PCDHA5: variants seen among roughly 807,000 people sequenced by gnomAD.
PCDHA5 encodes protocadherin alpha 5.
Under a neutral mutation model 61.6 loss-of-function variants are expected in PCDHA5, and 43 were observed. The ratio of observed to expected loss-of-function variants is 0.70; its 90% CI spans 0.55 to 0.90. The LOEUF is 0.90. PCDHA5 is among the 40% of genes least tolerant of loss of function. The probability of loss-of-function intolerance (pLI) is 0.00; values close to 1 mark genes in which losing one functional copy is unlikely to be tolerated. For missense variants in PCDHA5, 1,298 were observed against 1,222.7 expected (o/e 1.06, Z -0.92); for synonymous variants, 627 against 543.9 (o/e 1.15, Z -2.13).
chr5:140,991,003 A>C (rs1228444549), intron 3 of PCDHA5, among the ~76,000 whole-genome samples: 1 of 152,190 alleles, frequency 6.6e-6, no homozygotes, highest in East Asian at 1.9e-4. Flanking sequence ...ATTTATTGAG[A>C]ACTGTGATAA....
At chr5:140,849,612 A>T in intron 1 of PCDHA5, 1 of 1,598,736 alleles carries the variant, frequency 6.3e-7, no homozygotes. Context: ...TGCCCTGATT[A>T]GTGTGATCGA....
intron 1 of PCDHA5, among the ~76,000 whole-genome samples, chr5:140,950,285 C>T (rs1314594266): frequency 1.3e-5 from 2 of 151,926 alleles, no homozygotes; most frequent in African/African-American, 4.8e-5. Context: ...TTTGCTTCAA[C>T]CTGAAAAACT....
intron 1 of PCDHA5, among the ~76,000 whole-genome samples, chr5:140,915,326 T>C (rs2077071352): frequency 6.6e-6 from 1 of 152,196 alleles, no homozygotes; most frequent in Non-Finnish European, 1.5e-5. Flanking sequence ...TACAGTGTTA[T>C]AATATTCTGT....
chr5:140,955,585 T>G (rs1438222402), intron 1 of PCDHA5, among the ~76,000 whole-genome samples: 1 of 152,198 alleles, frequency 6.6e-6, no homozygotes, highest in African/African-American at 2.4e-5. Context: ...CAATTAAACC[T>G]CTTTCTTTTA....
At chr5:140,870,277 G>T (rs367959983) in intron 1 of PCDHA5, 4 of 1,614,168 alleles carry the variant, frequency 2.5e-6, no homozygotes, top group Non-Finnish European at 3.4e-6. Context: ...GACGCCCCAC[G>T]TTCCCTTCAA....
In PCDHA5 at chr5:140,824,010, G is replaced by C. The variant is rs1554129688; in HGVS notation, c.2235G>C (p.Gly745=). The part of the protein sequence containing the change: ...KPTLLCSSAV[G]SWSYSQQRRQ... Reference sequence around the variant, plus strand: ...CTCTGTTGTGCTCCAGCGCGGTGGGGAGCTGGTCGTACTCGCAGCAGAGGA... The same window carrying C: ...CTCTGTTGTGCTCCAGCGCGGTGGGCAGCTGGTCGTACTCGCAGCAGAGGA... Residue 745 remains glycine (G), a synonymous_variant, in exon 1 of 4, where the codon GGG becomes GGC. Transcript: ENST00000529859. 6.2e-7 allele frequency: 1 copy of C among 1,614,148 alleles called. No homozygotes were observed. Among genetic ancestry groups the C allele is most frequent in the South Asian group, 1.1e-5 (1 of 91,076 alleles).
Position 141,006,215 on chromosome 5 carries a change from T to A in PCDHA5, c.2501-3412T>A, listed in dbSNP as rs530559800. Among the ~76,000 whole-genome samples, 194 of 151,754 alleles carry A rather than the reference T, an allele frequency of 1.3e-3. 2 individuals carry two copies. The highest frequency in any genetic ancestry group is 4.2e-3 in the African/African-American group (174 of 41,396). ...ATGTATGTTATGCCTCATTTTTTTT[T>A]AAATTTTTTATTTTTAGATGGAGTC... On this transcript the variant is annotated intron_variant, in intron 3 of 3. Coordinates refer to ENST00000529859, the MANE Select transcript of PCDHA5 (RefSeq NM_018908.3).
At chr5:141,000,385 CTCTCTCTCTCTATA>C (rs1173975015) in intron 3 of PCDHA5, among the ~76,000 whole-genome samples, 30 of 64,968 alleles carry the variant, frequency 4.6e-4, no homozygotes, top group African/African-American at 1.8e-3. Context: ...CTCTCTCTCT[CTCTCTCTCTCTATA>C]TATATATATA....
At chr5:140,862,329 T>C (rs1305735393) in intron 1 of PCDHA5, 1 of 327,554 alleles carries the variant, frequency 3.1e-6, no homozygotes, top group Non-Finnish European at 6.0e-6. Context: ...ATCAGTGTAA[T>C]TGACCCTAAC....
In PCDHA5 at chr5:140,824,289, C is replaced by T. The variant is rs2150133966; in HGVS notation, c.2352+162C>T. On this transcript the variant is annotated intron_variant, in intron 1 of 3. Transcript: ENST00000529859. The stretch of plus-strand genomic sequence containing the variant: ...CATGTATTATATGCTTTTTATGAGG[C>T]TTTTCTGCTGGGGTAATAGATTCAT... 46 of 983,138 alleles carry T rather than the reference C, an allele frequency of 4.7e-5. 1 individual carries two copies. The African/African-American group carries it at 6.0e-4, about 13-fold the overall frequency. 60.9% of individuals were successfully genotyped at this position (983,138 alleles called of 1,614,324 possible).
At chr5:140,835,927 G>T (rs2150248499) in intron 1 of PCDHA5, 3 of 1,612,438 alleles carry the variant, frequency 1.9e-6, no homozygotes, top group African/African-American at 1.3e-5. Context: ...GCGGAGAGCG[G>T]CAAGGTGTAC....
chr5:140,915,209 AG>A lies in PCDHA5; in HGVS notation c.2353-63739del, dbSNP rs2077027084. On this transcript the variant is annotated intron_variant, in intron 1 of 3. Coordinates refer to ENST00000529859, the MANE Select transcript of PCDHA5 (RefSeq NM_018908.3). ...TGATCCGCCCATCTTGGCCTCCCAAAGTGCTGGGATTACAGGCATGAGCCAC... is the reference window on the plus strand; with the variant it reads ...TGATCCGCCCATCTTGGCCTCCCAAATGCTGGGATTACAGGCATGAGCCAC... 2.6e-5 allele frequency among the ~76,000 whole-genome samples: 4 copies of A among 152,034 alleles called. No individual in the cohort carries two copies. The South Asian group carries it at 8.3e-4, about 32-fold the overall frequency.
At position 140,957,153 on chromosome 5, in the gene PCDHA5, A is replaced by G. The variant is rs988889035; in HGVS notation, c.2353-21796A>G. Among the ~76,000 whole-genome samples, 121 of 152,268 alleles carry G rather than the reference A, an allele frequency of 7.9e-4. 1 individual carries two copies. Among genetic ancestry groups the G allele is most frequent in the East Asian group, 3.9e-4 (2 of 5,186 alleles). On this transcript the variant is annotated intron_variant, in intron 1 of 3. Transcript: ENST00000529859. Reference sequence around the variant, plus strand: ...ACACTATGAACTAAAAATTTTGGAGACAAATCTAAGTATATAAATTGGTTT... The same window carrying G: ...ACACTATGAACTAAAAATTTTGGAGGCAAATCTAAGTATATAAATTGGTTT...
intron 1 of PCDHA5, among the ~76,000 whole-genome samples, chr5:140,971,037 TA>T (rs2096453416): frequency 1.3e-5 from 2 of 152,200 alleles, no homozygotes; most frequent in Admixed American, 6.5e-5. Context: ...TGAAAGCACG[TA>T]AAAGGGTTTA....
At chr5:140,975,364 C>G (rs2096664243) in intron 1 of PCDHA5, among the ~76,000 whole-genome samples, 1 of 152,204 alleles carries the variant, frequency 6.6e-6, no homozygotes, top group South Asian at 2.1e-4. Flanking sequence ...TGCTACATAG[C>G]ATAATGTAAT....
At chr5:140,889,054 T>C in intron 1 of PCDHA5, among the ~76,000 whole-genome samples, 1 of 152,100 alleles carries the variant, frequency 6.6e-6, no homozygotes, top group Non-Finnish European at 1.5e-5. Flanking sequence ...TTTATAATCC[T>C]TTTAATATAC....
intron 1 of PCDHA5, chr5:140,848,444 C>A: frequency 6.7e-7 from 1 of 1,498,894 alleles, no homozygotes; most frequent in Non-Finnish European, 9.1e-7. Flanking sequence ...CAGATGATTT[C>A]TTCTAATTTG....
At chr5:140,980,507 G>A (rs1274816745) in intron 2 of PCDHA5, among the ~76,000 whole-genome samples, 1 of 152,136 alleles carries the variant, frequency 6.6e-6, no homozygotes, top group African/African-American at 2.4e-5. Flanking sequence ...GCATGTGCCT[G>A]TAGTTCCAGC....
intron 3 of PCDHA5, among the ~76,000 whole-genome samples, chr5:140,998,062 C>A (rs2097795439): frequency 6.6e-6 from 1 of 152,176 alleles, no homozygotes; most frequent in Non-Finnish European, 1.5e-5. Flanking sequence ...TCATCATCAA[C>A]AGACTTAGCC....
Sources: allele counts gnomAD v4.1 joint callset (sites outside exome capture counted in the v4.1 genomes callset), GRCh38; gene constraint gnomAD v4.1.1; transcripts MANE v1.5; gene names NCBI Gene and HGNC (gene_info 2026-07-23, HGNC 2026-07-21).